The following COMMD10 variants were observed in gnomAD, a reference collection of about 807,000 sequenced individuals.
COMMD10 encodes the protein COMM domain containing 10, also known as COMM domain-containing protein 10.
Under a neutral mutation model 28.9 loss-of-function variants are expected in COMMD10, and 33 were observed. The observed-to-expected ratio is 1.14, with a 90% CI of 0.87 to 1.53. The LOEUF is 1.53. Among genes scored for constraint, COMMD10 ranks in the 40% most tolerant of loss-of-function variants. COMMD10 has a pLI of 0.00. For synonymous variants in COMMD10, 110 were observed against 81.7 expected (o/e 1.35, Z -1.87); for missense variants, 310 against 233.4 (o/e 1.33, Z -2.14).
At chr5:116,171,925 T>C (rs1753349174) in intron 5 of COMMD10, among the ~76,000 whole-genome samples, 1 of 152,110 alleles carries the variant, frequency 6.6e-6, no homozygotes, top group African/African-American at 2.4e-5. Context: ...TGTATACCTA[T>C]GTAACAAATC....
intron 5 of COMMD10, among the ~76,000 whole-genome samples, chr5:116,134,916 C>T (rs533554514): frequency 2.3e-4 from 35 of 149,648 alleles, no homozygotes; most frequent in African/African-American, 7.3e-4. Flanking sequence ...CCACCGCGCC[C>T]GGCCTACAAT....
chr5:116,232,124 C>G (rs1210460694), intron 5 of COMMD10, among the ~76,000 whole-genome samples: 3 of 152,134 alleles, frequency 2.0e-5, no homozygotes, highest in African/African-American at 7.2e-5. Flanking sequence ...GCTTCTGATG[C>G]TAAACAGCAT....
intron 5 of COMMD10, among the ~76,000 whole-genome samples, chr5:116,217,253 A>G (rs1749129936): frequency 6.6e-6 from 1 of 151,800 alleles, no homozygotes; most frequent in Admixed American, 6.6e-5. Flanking sequence ...TTCCATAAAC[A>G]GTCGTGGTAT....
chr5:116,101,461 C>T (rs1750655772), intron 4 of COMMD10, among the ~76,000 whole-genome samples: 1 of 151,948 alleles, frequency 6.6e-6, no homozygotes, highest in African/African-American at 2.4e-5. Flanking sequence ...GAGTCTTGCT[C>T]TGTCACCCAG....
intron 5 of COMMD10, among the ~76,000 whole-genome samples, chr5:116,135,029 G>A (rs1751985926): frequency 6.6e-6 from 1 of 151,982 alleles, no homozygotes; most frequent in African/African-American, 2.4e-5. Flanking sequence ...TTGTTACTGC[G>A]GCATATAGGG....
At chr5:116,169,485 T>TTA in intron 5 of COMMD10, among the ~76,000 whole-genome samples, 1 of 152,264 alleles carries the variant, frequency 6.6e-6, no homozygotes, top group Admixed American at 6.5e-5. Context: ...CCCTAATTCA[T>TTA]TTAAGAGGCC....
intron 5 of COMMD10, among the ~76,000 whole-genome samples, chr5:116,167,479 C>G (rs1753164649): frequency 6.6e-6 from 1 of 152,046 alleles, no homozygotes; most frequent in Admixed American, 6.5e-5. Flanking sequence ...CATTCAAATT[C>G]AGGAAATACA....
chr5:116,224,003 T>C (rs1749329021), intron 5 of COMMD10, among the ~76,000 whole-genome samples: 1 of 152,174 alleles, frequency 6.6e-6, no homozygotes, highest in South Asian at 2.1e-4. Context: ...ACCATGGAAA[T>C]GGTTTTACTG....
intron 4 of COMMD10, among the ~76,000 whole-genome samples, chr5:116,127,475 A>G (rs755433814): frequency 6.6e-6 from 1 of 152,232 alleles, no homozygotes; most frequent in South Asian, 2.1e-4. Context: ...ACACATGCAC[A>G]CGCATGTTTA....
intron 2 of COMMD10, among the ~76,000 whole-genome samples, 172 bp downstream of exon 2, chr5:116,087,759 C>T (rs1458496546): frequency 6.6e-6 from 1 of 152,170 alleles, no homozygotes; most frequent in Non-Finnish European, 1.5e-5. Flanking sequence ...GAAACTCTGT[C>T]TTCAATAAAG....
intron 4 of COMMD10, among the ~76,000 whole-genome samples, chr5:116,094,421 T>C (rs1444893492): frequency 6.6e-6 from 1 of 152,258 alleles, no homozygotes; most frequent in East Asian, 1.9e-4. Context: ...AAAAAATGCT[T>C]AAAATCACTA....
chr5:116,282,145 C>A (rs1751086482), intron 5 of COMMD10, among the ~76,000 whole-genome samples: 1 of 151,880 alleles, frequency 6.6e-6, no homozygotes, highest in African/African-American at 2.4e-5. Flanking sequence ...TAATCTCACT[C>A]AGTTCCATCC....
At chr5:116,118,709 A>G (rs761551147) in intron 4 of COMMD10, among the ~76,000 whole-genome samples, 2 of 151,728 alleles carry the variant, frequency 1.3e-5, no homozygotes, top group African/African-American at 2.4e-5. Flanking sequence ...AAGTGAAAAT[A>G]TAGAAAGAAT....
intron 5 of COMMD10, among the ~76,000 whole-genome samples, chr5:116,269,869 A>T (rs1172746211): frequency 6.6e-6 from 1 of 151,722 alleles, no homozygotes; most frequent in African/African-American, 2.4e-5. Context: ...AGGATGAGAG[A>T]ATTAATATAT....
intron 4 of COMMD10, among the ~76,000 whole-genome samples, chr5:116,131,630 C>T (rs1233099818): frequency 1.3e-5 from 2 of 151,972 alleles, no homozygotes; most frequent in African/African-American, 4.8e-5. Context: ...TTGACTCTGT[C>T]AGAGGCTGTT....
At chr5:116,192,766 C>T (rs1256396686) in intron 5 of COMMD10, among the ~76,000 whole-genome samples, 11 of 152,290 alleles carry the variant, frequency 7.2e-5, no homozygotes, top group African/African-American at 4.8e-5. Context: ...AGGAAAACTT[C>T]GCCAGCCTTG....
Position 116,232,800 on chromosome 5 carries a change from A to G in COMMD10, c.511-58717A>G, listed in dbSNP as rs181268405. Among the ~76,000 whole-genome samples, 440 of 152,296 alleles carry G rather than the reference A, an allele frequency of 2.9e-3. 4 individuals carry two copies. Among genetic ancestry groups the G allele is most frequent in the Admixed American group, 4.6e-3 (71 of 15,294 alleles). ...AGACATGAAATTACAGAGTGCTTACATTTGTTGGGTACTCTTTTAATTGCT... is the reference window on the plus strand; with the variant it reads ...AGACATGAAATTACAGAGTGCTTACGTTTGTTGGGTACTCTTTTAATTGCT... On this transcript the variant is annotated intron_variant, in intron 5 of 6. Transcript: ENST00000274458.
In COMMD10 at chr5:116,199,815, A is replaced by C. The variant is rs116705931; in HGVS notation, c.510+65637A>C. ...GCTATGTTGCCCAGGTTGGTCTTCAACTCCTGGGCTCAAGCAATCCTCCAG... is the reference window on the plus strand; with the variant it reads ...GCTATGTTGCCCAGGTTGGTCTTCACCTCCTGGGCTCAAGCAATCCTCCAG... On this transcript the variant is annotated intron_variant, in intron 5 of 6. Transcript: ENST00000274458. 2.9e-3 allele frequency among the ~76,000 whole-genome samples: 448 copies of C among 152,102 alleles called. 3 individuals are homozygous for C. The highest frequency in any genetic ancestry group is 0.01 in the African/African-American group (430 of 41,502).
At chr5:116,286,902 T>A (rs1473190273) in intron 5 of COMMD10, among the ~76,000 whole-genome samples, 1 of 151,862 alleles carries the variant, frequency 6.6e-6, no homozygotes, top group African/African-American at 2.4e-5. Context: ...AAATCTTGTT[T>A]CCTTGTTGAT....
Sources: gnomAD v4.1 joint callset for allele counts (sites outside exome capture counted in the v4.1 genomes callset) on GRCh38, gnomAD v4.1.1 for gene constraint, MANE v1.5 for transcripts, NCBI Gene and HGNC (gene_info 2026-07-23, HGNC 2026-07-21) for gene names.